USP2: variants seen among roughly 807,000 people sequenced by gnomAD.
The protein encoded by USP2 is ubiquitin carboxyl-terminal hydrolase 2.
A neutral mutation model predicts 72.0 loss-of-function variants in USP2; 33 were observed. That is an observed-to-expected ratio of 0.46 (90% confidence interval 0.35 to 0.61). The LOEUF is 0.61. Ranked by LOEUF, USP2 falls within the 20% of genes least tolerant of loss-of-function variation. USP2 has a pLI of 0.01. For synonymous variants in USP2, 296 were observed against 312.5 expected (o/e 0.95, Z 0.56); for missense variants, 691 against 797.8 (o/e 0.87, Z 1.61).
rs1950669761 is a variant in USP2 at position 119,357,049 on chromosome 11, T to C, written c.1731-127A>G. 4.6e-5 allele frequency: 55 copies of C among 1,203,582 alleles called. No individual in the cohort carries two copies. The South Asian group carries it at 7.0e-4, about 15-fold the overall frequency. 74.6% of individuals were successfully genotyped at this position (1,203,582 alleles called of 1,614,324 possible). On this transcript the variant is annotated intron_variant, in intron 12 of 12. Transcript: ENST00000260187. ...AGCCTCCCCACGGGCAGCGGCTTCG[T>C]GGCCTTAAACTTTGCCATCCATTCT...
chr11:119,380,399 T>G (rs886671668), intron 1 of USP2, among the ~76,000 whole-genome samples: 2 of 152,026 alleles, frequency 1.3e-5, no homozygotes, highest in Non-Finnish European at 2.9e-5. Context: ...CAAGTGCAGC[T>G]TCCCCCAGGC....
At chr11:119,379,533 G>C (rs1691993501) in intron 1 of USP2, among the ~76,000 whole-genome samples, 1 of 152,210 alleles carries the variant, frequency 6.6e-6, no homozygotes, top group Admixed American at 6.5e-5. Flanking sequence ...GGCATGTGCA[G>C]ATAGCGAGAA....
Position 119,376,079 on chromosome 11 carries a change from A to C in USP2, c.-41-2558T>G, listed in dbSNP as rs544670375. ...CCTCTCGGCTCTGACTTCTAGCTAC[A>C]GTTCCCATGCCTGCGGAGAGGGTTC... is the stretch of plus-strand genomic sequence containing the variant. On this transcript the variant is annotated intron_variant, in intron 1 of 12. Transcript: ENST00000260187. 7.5e-6 allele frequency: 5 copies of C among 666,028 alleles called. No homozygotes were observed. In the East Asian group the frequency reaches 6.8e-4, roughly 90 times the overall value. The allele number at this position is 666,028 out of a possible 1,614,324, so 41.3% of individuals were successfully genotyped here. A position where few individuals can be genotyped will look rare whatever the true frequency, so the allele number is the denominator to read the frequency against.
chr11:119,357,838 G>A lies in USP2; in HGVS notation c.1423-3C>T. 1 of 1,350,816 alleles carries A rather than the reference G, an allele frequency of 7.4e-7. No homozygotes were observed. The highest frequency in any genetic ancestry group is 1.0e-6 in the Non-Finnish European group (1 of 956,104). The allele number at this position is 1,350,816 out of a possible 1,614,324, so 83.7% of individuals were successfully genotyped here. A position where few individuals can be genotyped will look rare whatever the true frequency, so the allele number is the denominator to read the frequency against. ...CTGCCTCGGCAGCGACAGCATGTCT[G>A]AGAGACAAGACAAACAGAAAGAACT... On this transcript the variant is annotated splice_polypyrimidine_tract_variant and splice_region_variant and intron_variant, in intron 9 of 12. Coordinates refer to ENST00000260187, the MANE Select transcript of USP2 (RefSeq NM_004205.5).
At chr11:119,358,713 C>T in intron 7 of USP2, 60 bp downstream of exon 7, 3 of 1,584,346 alleles carry the variant, frequency 1.9e-6, no homozygotes, top group South Asian at 1.1e-5. Flanking sequence ...GCTTTTCATG[C>T]TCCACTCAGG....
intron 7 of USP2, chr11:119,358,530 G>A (rs1950710859): frequency 1.7e-6 from 1 of 606,022 alleles, no homozygotes; most frequent in African/African-American, 1.9e-5. Flanking sequence ...TGGCCAGGCT[G>A]GTCTTGAACT....
At chr11:119,362,145 A>G (rs1482826936) in intron 2 of USP2, among the ~76,000 whole-genome samples, 1 of 152,174 alleles carries the variant, frequency 6.6e-6, no homozygotes, top group East Asian at 1.9e-4. Context: ...TGACCGTGTC[A>G]ATGTTCACCA....
At position 119,357,794 on chromosome 11, in the gene USP2, C is replaced by G; in HGVS notation, c.1464G>C (p.Lys488Asn). ...TCTTTGGGAACCTCTGGATGGAGAA[C>G]TTCTTTATACACCGTTTTCTGCCTC... Reference protein sequence around the residue: ...RCRGRKRCIKKFSIQRFPKIL... With the variant: ...RCRGRKRCIKNFSIQRFPKIL... Residue 488 changes from lysine (K) to asparagine (N), a missense_variant, in exon 10 of 13, where the codon AAG becomes AAC. By Grantham distance (94) the Lys-to-Asn change is moderately conservative. Coordinates refer to ENST00000260187, the MANE Select transcript of USP2 (RefSeq NM_004205.5). 6.2e-7 allele frequency: 1 copy of G among 1,614,040 alleles called. No individual in the cohort carries two copies. Among genetic ancestry groups the G allele is most frequent in the South Asian group, 1.1e-5 (1 of 91,076 alleles).
intron 2 of USP2, among the ~76,000 whole-genome samples, chr11:119,365,287 G>C (rs1478682092): frequency 6.6e-6 from 1 of 152,128 alleles, no homozygotes; most frequent in Non-Finnish European, 1.5e-5. Flanking sequence ...CTGTGTCCAG[G>C]ACACACGTAT....
Position 119,358,000 on chromosome 11 carries a change from A to T in USP2, c.1403T>A (p.Leu468His). The T allele has an allele frequency of 1.9e-6, 3 of 1,614,190 alleles. No homozygotes were observed. The highest frequency in any genetic ancestry group is 2.5e-6 in the Non-Finnish European group (3 of 1,180,036). Residue 468 changes from leucine to histidine, a missense_variant, in exon 9 of 13, where the codon CTT (leucine) becomes CAT (histidine). Physicochemically the swap from Leu to His is moderately conservative, Grantham distance 99 (BLOSUM62 -3). Coordinates refer to ENST00000260187, the MANE Select transcript of USP2 (RefSeq NM_004205.5). The stretch of plus-strand genomic sequence containing the variant: ...ACTTACTGGCTTTTCATCTCCATCA[A>T]GCACATCCTCTTTGGTGAAGAGCCT... ...CMRLFTKEDV[L>H]DGDEKPTCCR...
intron 2 of USP2, among the ~76,000 whole-genome samples, chr11:119,365,093 G>A (rs1950833693): frequency 6.6e-6 from 1 of 152,114 alleles, no homozygotes; most frequent in South Asian, 2.1e-4. Context: ...GGAAGCTCAC[G>A]AATCTGCCTA....
intron 2 of USP2, among the ~76,000 whole-genome samples, chr11:119,371,030 C>T (rs985752248): frequency 6.6e-6 from 1 of 152,076 alleles, no homozygotes; most frequent in Non-Finnish European, 1.5e-5. Context: ...GTTTAGTCTG[C>T]GCTGAGGTTT....
At chr11:119,379,441 G>T in intron 1 of USP2, 1 of 404,870 alleles carries the variant, frequency 2.5e-6, no homozygotes, top group Non-Finnish European at 3.3e-6. Flanking sequence ...CAGAATTAGA[G>T]AACAGGAAGA....
intron 2 of USP2, chr11:119,364,190 T>A (rs1239647921): frequency 1.7e-6 from 2 of 1,170,868 alleles, no homozygotes; most frequent in African/African-American, 3.2e-5. Context: ...GGGTCCCGGC[T>A]CTCGCGCTCC....
At chr11:119,368,122 G>A (rs545316454) in intron 2 of USP2, among the ~76,000 whole-genome samples, 57 of 152,308 alleles carry the variant, frequency 3.7e-4, no homozygotes, top group African/African-American at 1.3e-3. Flanking sequence ...GTCACAAACC[G>A]CAAACCCACT....
At chr11:119,359,765 T>C (rs1198455173) in intron 3 of USP2, 105 bp from the exon 4 acceptor site, 3 of 1,477,128 alleles carry the variant, frequency 2.0e-6, no homozygotes, top group Non-Finnish European at 2.7e-6. Flanking sequence ...AATCCTTTCA[T>C]AGGAGGCTAT....
chr11:119,366,283 G>T (rs1427477808), intron 2 of USP2, among the ~76,000 whole-genome samples: 1 of 152,138 alleles, frequency 6.6e-6, no homozygotes, highest in Non-Finnish European at 1.5e-5. Flanking sequence ...TGACAATGTG[G>T]GGCTTTGTCT....
chr11:119,358,846 CAG>C lies in USP2; in HGVS notation c.1173-11_1173-10del, dbSNP rs778789064. 1.2e-6 allele frequency: 2 copies of C among 1,614,012 alleles called. No homozygotes were observed. The highest frequency in any genetic ancestry group is 8.5e-7 in the Non-Finnish European group (1 of 1,180,020). On this transcript the variant is annotated splice_polypyrimidine_tract_variant and intron_variant, in intron 6 of 12. Coordinates refer to ENST00000260187, the MANE Select transcript of USP2 (RefSeq NM_004205.5). ...GGCCTTTCTCGTCATCACTGGGAAC[CAG>C]AGAGAGACAACAATTGGGTCAAAGC...
chr11:119,369,099 CTT>C (rs1950892900), intron 2 of USP2, among the ~76,000 whole-genome samples: 1 of 152,172 alleles, frequency 6.6e-6, no homozygotes. Context: ...GGAGTCCCCA[CTT>C]GGGTTAGTGA....
Sources: gnomAD v4.1 joint callset for allele counts (sites outside exome capture counted in the v4.1 genomes callset) on GRCh38, gnomAD v4.1.1 for gene constraint, MANE v1.5 for transcripts, NCBI Gene and HGNC (gene_info 2026-07-23, HGNC 2026-07-21) for gene names.